The following CEP57L1 variants were observed in gnomAD, a reference collection of about 807,000 sequenced individuals.
CEP57L1 encodes centrosomal protein 57 like 1, also known as centrosomal protein CEP57L1.
A neutral mutation model predicts 61.0 loss-of-function variants in CEP57L1; 37 were observed. The observed-to-expected ratio is 0.61, with a 90% confidence interval of 0.47 to 0.80. The LOEUF (loss-of-function observed/expected upper bound fraction) is 0.80. Ranked by LOEUF, CEP57L1 falls within the 30% of genes least tolerant of loss-of-function variation. The pLI, the probability that CEP57L1 is intolerant of heterozygous loss-of-function variation, is 0.00. For missense variants in CEP57L1, 422 were observed against 524.7 expected, an observed-to-expected ratio of 0.80 and a Z score of 1.91; for synonymous variants, 137 against 162.3, an observed-to-expected ratio of 0.84 and a Z score of 1.19.
At chr6:109,148,452 C>G (rs1772213482) in intron 3 of CEP57L1, among the ~76,000 whole-genome samples, 3 of 152,166 alleles carry the variant, frequency 2.0e-5, no homozygotes, top group African/African-American at 7.2e-5. Context: ...ATGAACTCAT[C>G]CTTTTTTATG....
At chr6:109,139,889 C>G (rs1403077623) in intron 1 of CEP57L1, among the ~76,000 whole-genome samples, 1 of 152,044 alleles carries the variant, frequency 6.6e-6, no homozygotes, top group African/African-American at 2.4e-5. Flanking sequence ...TCCTCACCCT[C>G]CCAAAGTGCT....
chr6:109,132,430 A>G (rs2114770150), intron 1 of CEP57L1, among the ~76,000 whole-genome samples: 1 of 152,324 alleles, frequency 6.6e-6, no homozygotes, highest in South Asian at 2.1e-4. Context: ...ATTCATCCTT[A>G]TTGAAATCCT....
At chr6:109,150,697 C>G (rs1217334496) in intron 4 of CEP57L1, among the ~76,000 whole-genome samples, 1 of 150,124 alleles carries the variant, frequency 6.7e-6, no homozygotes, top group East Asian at 1.9e-4. Context: ...TAAAAGCATC[C>G]AGAAAAAAAA....
chr6:109,130,327 T>G (rs1774036778), intron 1 of CEP57L1, among the ~76,000 whole-genome samples: 1 of 152,100 alleles, frequency 6.6e-6, no homozygotes, highest in African/African-American at 2.4e-5. Context: ...ACAAACATCA[T>G]ATGTTTGTCT....
At chr6:109,152,654 T>C (rs1257674499) in intron 4 of CEP57L1, among the ~76,000 whole-genome samples, 2 of 148,632 alleles carry the variant, frequency 1.3e-5, no homozygotes, top group African/African-American at 2.6e-5. Context: ...TGTGTGTGTG[T>C]GTGTGTGTGT....
intron 1 of CEP57L1, among the ~76,000 whole-genome samples, chr6:109,123,468 T>G (rs1022407708): frequency 2.0e-5 from 3 of 152,178 alleles, no homozygotes; most frequent in Admixed American, 6.5e-5. Context: ...GCCTTCATGA[T>G]TCAGTGGCTC....
At chr6:109,143,630 C>T (rs1771656506) in intron 1 of CEP57L1, among the ~76,000 whole-genome samples, 1 of 152,084 alleles carries the variant, frequency 6.6e-6, no homozygotes, top group African/African-American at 2.4e-5. Flanking sequence ...TGGCAATCTT[C>T]TAACTAGTCA....
intron 1 of CEP57L1, among the ~76,000 whole-genome samples, chr6:109,096,416 A>G (rs1006665306): frequency 4.6e-5 from 7 of 152,182 alleles, no homozygotes; most frequent in Admixed American, 3.9e-4. Flanking sequence ...CAATCTTGGA[A>G]AGTCAGGGAA....
chr6:109,174,099 C>CAAAAAAAAAAAAAAAAAAAAAAA lies in CEP57L1; in HGVS notation c.*11144_*11145insAAAAAAAAAAAAAAAAAAAAAAA, dbSNP rs1298260523. ...TGAGCCATAGAGTGAGTCTTGGTCTCAAAAAAAAAAAAAAACCTTGTGTTG... is the reference window on the plus strand; with the variant it reads ...TGAGCCATAGAGTGAGTCTTGGTCTCAAAAAAAAAAAAAAAAAAAAAAAAAAAAAAAAAAAAAACCTTGTGTTG... On this transcript the variant is annotated 3_prime_UTR_variant, in exon 11 of 11. Transcript: ENST00000517392. Among the ~76,000 whole-genome samples the CAAAAAAAAAAAAAAAAAAAAAAA allele has an allele frequency of 2.7e-4, 22 of 81,912 alleles. No homozygotes were observed. The highest frequency in any genetic ancestry group is 1.1e-3 in the African/African-American group (22 of 20,880). 53.7% of individuals were successfully genotyped at this position (81,912 alleles called of 152,430 possible). A position where few individuals can be genotyped will look rare whatever the true frequency, so the allele number is the denominator to read the frequency against.
chr6:109,148,695 C>G (rs1323452305), intron 3 of CEP57L1, among the ~76,000 whole-genome samples: 2 of 152,288 alleles, frequency 1.3e-5, no homozygotes. Flanking sequence ...AATCGCCACA[C>G]TGACTTCCAC....
In CEP57L1 at chr6:109,172,101, A is replaced by G. The variant is rs1395991059; in HGVS notation, c.*9131A>G. 2.6e-5 allele frequency among the ~76,000 whole-genome samples: 4 copies of G among 152,236 alleles called. No individual in the cohort carries two copies. Among genetic ancestry groups the G allele is most frequent in the Non-Finnish European group, 5.9e-5 (4 of 68,036 alleles). ...AAAATCAGCAGCTGAAAAAAGGCAC[A>G]TAGGGCAAAGTCTGGGGGACACCAG... On this transcript the variant is annotated 3_prime_UTR_variant, in exon 11 of 11. Transcript: ENST00000517392.
At position 109,159,468 on chromosome 6, in the gene CEP57L1, T is replaced by C; in HGVS notation, c.1016+6T>C. 1 of 1,609,314 alleles carries C rather than the reference T, an allele frequency of 6.2e-7. No individual in the cohort carries two copies. Among genetic ancestry groups the C allele is most frequent in the Non-Finnish European group, 8.5e-7 (1 of 1,178,038 alleles). The stretch of plus-strand genomic sequence containing the variant: ...GAGCTGGACCAAATGAGCATGTAAG[T>C]ATTTATATTCTTTTTTTTTTTCAAG... On this transcript the variant is annotated splice_donor_region_variant and intron_variant, in intron 9 of 10. Coordinates refer to ENST00000517392, the MANE Select transcript of CEP57L1 (RefSeq NM_001271852.3).
rs1489519240 is a variant in CEP57L1 at position 109,170,265 on chromosome 6, A to T, written c.*7295A>T. On this transcript the variant is annotated 3_prime_UTR_variant, in exon 11 of 11. Coordinates refer to ENST00000517392, the MANE Select transcript of CEP57L1 (RefSeq NM_001271852.3). ...AAGAAAGAAATCTTAGTCTTTAAGA[A>T]CAGAGGATTGTAAAGTGAGCCAGAC... is the stretch of plus-strand genomic sequence containing the variant. Among the ~76,000 whole-genome samples, 1 of 152,226 alleles carries T rather than the reference A, an allele frequency of 6.6e-6. No individual in the cohort carries two copies. The highest frequency in any genetic ancestry group is 1.5e-5 in the Non-Finnish European group (1 of 68,036).
Position 109,166,879 on chromosome 6 carries a change from C to T in CEP57L1, c.*3909C>T, listed in dbSNP as rs1374651349. Reference sequence around the variant, plus strand: ...AAACTCCTAATGGGGTTTCCTGGAACAATATTCAGCTGTAACTAAAGCTTT... The same window carrying T: ...AAACTCCTAATGGGGTTTCCTGGAATAATATTCAGCTGTAACTAAAGCTTT... On this transcript the variant is annotated 3_prime_UTR_variant, in exon 11 of 11. Coordinates refer to ENST00000517392, the MANE Select transcript of CEP57L1 (RefSeq NM_001271852.3). Among the ~76,000 whole-genome samples the T allele has an allele frequency of 6.6e-6, 1 of 152,122 alleles. No homozygotes were observed. Among genetic ancestry groups the T allele is most frequent in the Non-Finnish European group, 1.5e-5 (1 of 68,028 alleles).
intron 1 of CEP57L1, among the ~76,000 whole-genome samples, chr6:109,099,873 T>A (rs1446053370): frequency 1.3e-5 from 2 of 152,206 alleles, no homozygotes; most frequent in Non-Finnish European, 2.9e-5. Context: ...TAGTAGAGTA[T>A]GGGAGACAGC....
rs538332103 is a variant in CEP57L1 at position 109,112,331 on chromosome 6, G to C, written c.-4+16756G>C. On this transcript the variant is annotated intron_variant, in intron 1 of 10. Coordinates refer to ENST00000517392, the MANE Select transcript of CEP57L1 (RefSeq NM_001271852.3). ...TACGTAGAGGTGTTTATAGTATTCTGTGATGGTAGTTTGTATTTCTGTGGG... is the reference window on the plus strand; with the variant it reads ...TACGTAGAGGTGTTTATAGTATTCTCTGATGGTAGTTTGTATTTCTGTGGG... 3.5e-3 allele frequency among the ~76,000 whole-genome samples: 531 copies of C among 152,206 alleles called. 4 individuals carry two copies. The highest frequency in any genetic ancestry group is 4.7e-3 in the Non-Finnish European group (317 of 68,012).
chr6:109,148,185 G>A (rs535351007), intron 3 of CEP57L1, among the ~76,000 whole-genome samples: 1 of 152,084 alleles, frequency 6.6e-6, no homozygotes, highest in Admixed American at 6.6e-5. Context: ...AGTTACATAT[G>A]TATACATGTG....
In CEP57L1 at chr6:109,159,588, C is replaced by CTAGG. The variant is rs1773547045; in HGVS notation, c.1016+126_1016+127insTAGG. ...CCTCCCAAAGTGCTAGGATTACAAGCATGAGCCACCGTGCCTGGCCAGTAT... is the reference window on the plus strand; with the variant it reads ...CCTCCCAAAGTGCTAGGATTACAAGCTAGGATGAGCCACCGTGCCTGGCCAGTAT... On this transcript the variant is annotated intron_variant, in intron 9 of 10. Coordinates refer to ENST00000517392, the MANE Select transcript of CEP57L1 (RefSeq NM_001271852.3). 6.5e-6 allele frequency: 5 copies of CTAGG among 771,498 alleles called. No homozygotes were observed. In the African/African-American group the frequency reaches 8.8e-5, roughly 14 times the overall value. The allele number at this position is 771,498 out of a possible 1,614,324, so 47.8% of individuals were successfully genotyped here.
In CEP57L1 at chr6:109,173,629, C is replaced by T. The variant is rs182080200; in HGVS notation, c.*10659C>T. 1.8e-4 allele frequency among the ~76,000 whole-genome samples: 27 copies of T among 150,570 alleles called. No individual in the cohort carries two copies. In the East Asian group the frequency reaches 3.5e-3, roughly 20 times the overall value. The stretch of plus-strand genomic sequence containing the variant: ...AAAAATTTTTTTTTTTGAGGAGACG[C>T]GGTCTCACTTTGCTGCCCAGGCTGG... On this transcript the variant is annotated 3_prime_UTR_variant, in exon 11 of 11. Transcript: ENST00000517392.
Sources: allele counts gnomAD v4.1 joint callset (sites outside exome capture counted in the v4.1 genomes callset), GRCh38; gene constraint gnomAD v4.1.1; transcripts MANE v1.5; gene names NCBI Gene and HGNC (gene_info 2026-07-23, HGNC 2026-07-21).